The following OSBPL8 variants were observed in gnomAD, a reference collection of about 807,000 sequenced individuals.
The protein encoded by OSBPL8 is oxysterol binding protein like 8, also known as oxysterol-binding protein-related protein 8.
A neutral mutation model predicts 125.5 loss-of-function variants in OSBPL8; 59 were observed. The ratio of observed to expected loss-of-function variants is 0.47; its 90% CI spans 0.38 to 0.58. OSBPL8 has a LOEUF of 0.58. Ranked by LOEUF, OSBPL8 falls within the 20% of genes least tolerant of loss-of-function variation. The pLI, the probability that OSBPL8 is intolerant of heterozygous loss-of-function variation, is 0.00. For synonymous variants in OSBPL8, 330 were observed against 338.9 expected, an observed-to-expected ratio of 0.97 and a Z score of 0.29; for missense variants, 758 against 1,047.8, an observed-to-expected ratio of 0.72 and a Z score of 3.82.
At chr12:76,371,925 T>C (rs1952634033) in intron 18 of OSBPL8, 1 of 163,396 alleles carries the variant, frequency 6.1e-6, no homozygotes, top group Admixed American at 6.2e-5. Context: ...TTGTTGCAGC[T>C]ACAATGAGAT....
At chr12:76,536,816 CA>C (rs36035843) in intron 1 of OSBPL8, among the ~76,000 whole-genome samples, 17,815 of 91,032 alleles carry the variant, frequency 0.2, 1,664 homozygotes, top group African/African-American at 0.4. Flanking sequence ...ATAGGAGTAT[CA>C]AAAAAAAAAA....
intron 18 of OSBPL8, among the ~76,000 whole-genome samples, chr12:76,372,326 T>C (rs1952651284): frequency 6.6e-6 from 1 of 152,016 alleles, no homozygotes. Flanking sequence ...CTGCCTTAGC[T>C]TCCTGAGTAG....
intron 1 of OSBPL8, among the ~76,000 whole-genome samples, chr12:76,545,924 T>C (rs1266571298): frequency 1.3e-5 from 2 of 152,160 alleles, no homozygotes; most frequent in Non-Finnish European, 2.9e-5. Context: ...TTTAAAAACA[T>C]ACAGAGTTGA....
At chr12:76,412,901 T>C (rs982086219) in intron 4 of OSBPL8, among the ~76,000 whole-genome samples, 2 of 152,162 alleles carry the variant, frequency 1.3e-5, no homozygotes, top group African/African-American at 2.4e-5. Context: ...TGTTTTGACT[T>C]TGCAGGCATA....
intron 2 of OSBPL8, among the ~76,000 whole-genome samples, chr12:76,477,059 C>G (rs900754820): frequency 6.6e-6 from 1 of 152,126 alleles, no homozygotes; most frequent in Non-Finnish European, 1.5e-5. Flanking sequence ...CTCCCTTATT[C>G]TTAAAGGCCC....
At chr12:76,398,069 G>A (rs1953889169) in intron 7 of OSBPL8, among the ~76,000 whole-genome samples, 172 bp from the exon 8 acceptor site, 1 of 152,148 alleles carries the variant, frequency 6.6e-6, no homozygotes, top group Non-Finnish European at 1.5e-5. Context: ...AAATGACATG[G>A]CTCTTATTTC....
intron 4 of OSBPL8, among the ~76,000 whole-genome samples, chr12:76,415,296 G>A (rs2136450286): frequency 6.8e-6 from 1 of 148,048 alleles, no homozygotes; most frequent in South Asian, 2.1e-4. Context: ...CCAGGCTGCT[G>A]GAGTGCAGTG....
In OSBPL8 at chr12:76,375,299, T is replaced by A. The variant is rs376319334; in HGVS notation, c.1801A>T (p.Ser601Cys). 29 of 1,610,814 alleles carry A rather than the reference T, an allele frequency of 1.8e-5. No individual in the cohort carries two copies. Among genetic ancestry groups the A allele is most frequent in the Middle Eastern group, 1.7e-4 (1 of 5,772 alleles). Residue 601 changes from serine to cysteine, a missense_variant, in exon 17 of 24, where the codon AGT becomes TGT. Transcript: ENST00000261183. ...TTTAGTTTAAATTCAAGTATTGCAC[T>A]GTATCCAGTTTTTTGACATGTAATA... ...VNITCQKTGY[S>C]AILEFKLKPF...
At chr12:76,542,168 T>C (rs1950663997) in intron 1 of OSBPL8, among the ~76,000 whole-genome samples, 2 of 152,098 alleles carry the variant, frequency 1.3e-5, no homozygotes, top group African/African-American at 4.8e-5. Flanking sequence ...CGAAACTCCA[T>C]CTCAAAAAAA....
At chr12:76,356,870 T>C (rs952616526) in intron 22 of OSBPL8, 142 bp from the exon 23 acceptor site, 3 of 550,270 alleles carry the variant, frequency 5.5e-6, no homozygotes, top group Non-Finnish European at 9.5e-6. Context: ...CTCTGCACTT[T>C]TGAAGTTTCA....
intron 2 of OSBPL8, among the ~76,000 whole-genome samples, chr12:76,482,626 T>C (rs1877641702): frequency 6.6e-6 from 1 of 151,330 alleles, no homozygotes; most frequent in Non-Finnish European, 1.5e-5. Context: ...AAAAAAAAAA[T>C]CAAGATAGAG....
intron 4 of OSBPL8, among the ~76,000 whole-genome samples, chr12:76,419,336 T>C (rs1869170060): frequency 6.6e-6 from 1 of 152,146 alleles, no homozygotes; most frequent in African/African-American, 2.4e-5. Flanking sequence ...GATAAAAACA[T>C]GAAAAGACAT....
intron 18 of OSBPL8, 175 bp from the exon 19 acceptor site, chr12:76,371,759 A>C: frequency 1.8e-6 from 1 of 552,384 alleles, no homozygotes; most frequent in East Asian, 3.5e-5. Context: ...CATTTTTATA[A>C]AAACATTAAG....
intron 3 of OSBPL8, 145 bp from the exon 4 acceptor site, chr12:76,451,133 C>G (rs1464272306): frequency 5.6e-6 from 5 of 893,988 alleles, no homozygotes; most frequent in Non-Finnish European, 8.0e-6. Flanking sequence ...TAAATTCTCA[C>G]AGTCATCTTG....
At chr12:76,484,317 T>G (rs1877891351) in intron 2 of OSBPL8, among the ~76,000 whole-genome samples, 1 of 152,234 alleles carries the variant, frequency 6.6e-6, no homozygotes, top group Non-Finnish European at 1.5e-5. Context: ...TACGTTCATG[T>G]GCAATTCAAA....
intron 1 of OSBPL8, among the ~76,000 whole-genome samples, chr12:76,550,711 G>A (rs766478935): frequency 4.6e-5 from 7 of 152,156 alleles, no homozygotes; most frequent in Non-Finnish European, 1.0e-4. Flanking sequence ...GCTTAGTCTA[G>A]CCAATAAAAA....
At chr12:76,399,455 T>G (rs1953959195) in intron 7 of OSBPL8, among the ~76,000 whole-genome samples, 2 of 152,236 alleles carry the variant, frequency 1.3e-5, no homozygotes, top group Admixed American at 1.3e-4. Context: ...ATTTTCATTT[T>G]TTAACAATAT....
intron 4 of OSBPL8, chr12:76,422,785 A>G (rs1319761918): frequency 3.3e-6 from 1 of 307,414 alleles, no homozygotes; most frequent in Non-Finnish European, 6.7e-6. Flanking sequence ...CACATTTAAC[A>G]GCAAAGGAGA....
intron 2 of OSBPL8, among the ~76,000 whole-genome samples, chr12:76,465,700 G>A (rs1252941711): frequency 6.6e-6 from 1 of 151,942 alleles, no homozygotes; most frequent in African/African-American, 2.4e-5. Flanking sequence ...TAGCAAGCAT[G>A]TAGTCATTAA....
Sources: allele counts gnomAD v4.1 joint callset (sites outside exome capture counted in the v4.1 genomes callset), GRCh38; gene constraint gnomAD v4.1.1; transcripts MANE v1.5; gene names NCBI Gene and HGNC (gene_info 2026-07-23, HGNC 2026-07-21).